Variants in CDH12 observed in about 807,000 individuals in gnomAD.
The protein encoded by CDH12 is cadherin-12.
Under a neutral mutation model 74.1 loss-of-function variants are expected in CDH12, and 41 were observed. The ratio of observed to expected loss-of-function variants is 0.55; its 90% CI spans 0.43 to 0.72. The LOEUF is 0.72. Ranked by LOEUF, CDH12 falls within the 30% of genes least tolerant of loss-of-function variation. CDH12 has a pLI of 0.00. For missense variants in CDH12, 945 were observed against 977.2 expected, an observed-to-expected ratio of 0.97 and a Z score of 0.44; for synonymous variants, 399 against 355.0, an observed-to-expected ratio of 1.12 and a Z score of -1.39.
At chr5:22,575,576 T>C (rs1460566743) in intron 1 of CDH12, among the ~76,000 whole-genome samples, 4 of 151,954 alleles carry the variant, frequency 2.6e-5, no homozygotes, top group Non-Finnish European at 5.9e-5. Context: ...TATTTATTTA[T>C]TTATTTGAGA....
intron 8 of CDH12, among the ~76,000 whole-genome samples, chr5:21,824,574 T>C (rs1748555928): frequency 6.6e-6 from 1 of 152,224 alleles, no homozygotes; most frequent in Admixed American, 6.5e-5. Context: ...AAACACAGCC[T>C]TGTTCTCTTT....
At chr5:22,306,979 T>C (rs138271770) in intron 3 of CDH12, among the ~76,000 whole-genome samples, 76 of 152,342 alleles carry the variant, frequency 5.0e-4, no homozygotes, top group Admixed American at 1.5e-3. Context: ...TACTTAGTTA[T>C]ATGCTGATAT....
chr5:22,253,972 G>A (rs1753221713), intron 3 of CDH12, among the ~76,000 whole-genome samples: 1 of 151,784 alleles, frequency 6.6e-6, no homozygotes, highest in Admixed American at 6.6e-5. Flanking sequence ...CACAAATATC[G>A]ATAAATTAGG....
intron 3 of CDH12, among the ~76,000 whole-genome samples, chr5:22,244,756 G>T (rs1752878012): frequency 9.8e-6 from 1 of 102,194 alleles, no homozygotes; most frequent in Non-Finnish European, 2.2e-5. Flanking sequence ...AAGAAAGAAA[G>T]AAAGAAAGAA....
chr5:22,626,545 G>A (rs1738307868), intron 1 of CDH12, among the ~76,000 whole-genome samples: 1 of 152,034 alleles, frequency 6.6e-6, no homozygotes, highest in Non-Finnish European at 1.5e-5. Context: ...CCTTATACCA[G>A]AATCAAACCC....
rs551437405 is a variant in CDH12 at position 22,024,508 on chromosome 5, T to C, written c.232-49123A>G. On this transcript the variant is annotated intron_variant, in intron 5 of 14. Coordinates refer to ENST00000382254, the MANE Select transcript of CDH12 (RefSeq NM_004061.5). ...GGTAAATTTACTTTATTTATCTATCTATTTATTCATTCATTTATTTTTGAT... is the reference window on the plus strand; with the variant it reads ...GGTAAATTTACTTTATTTATCTATCCATTTATTCATTCATTTATTTTTGAT... Among the ~76,000 whole-genome samples, 15 of 152,294 alleles carry C rather than the reference T, an allele frequency of 9.8e-5. No individual in the cohort carries two copies. In the South Asian group the frequency reaches 2.9e-3, roughly 29 times the overall value.
intron 6 of CDH12, among the ~76,000 whole-genome samples, chr5:21,935,966 G>A (rs1755057179): frequency 6.6e-6 from 1 of 152,164 alleles, no homozygotes; most frequent in East Asian, 1.9e-4. Flanking sequence ...TTTTGTATAT[G>A]TACTATATTT....
At chr5:22,088,887 T>C (rs1743231425) in intron 4 of CDH12, among the ~76,000 whole-genome samples, 1 of 152,038 alleles carries the variant, frequency 6.6e-6, no homozygotes, top group Non-Finnish European at 1.5e-5. Context: ...TGTGAAAGTG[T>C]CCCCCAAGGT....
At chr5:22,525,306 T>C (rs1737219860) in intron 1 of CDH12, among the ~76,000 whole-genome samples, 1 of 152,134 alleles carries the variant, frequency 6.6e-6, no homozygotes, top group Non-Finnish European at 1.5e-5. Flanking sequence ...ACATCTCATA[T>C]TTTATTGACC....
chr5:22,653,147 C>T (rs1223139133), intron 1 of CDH12, among the ~76,000 whole-genome samples: 1 of 152,086 alleles, frequency 6.6e-6, no homozygotes, highest in Admixed American at 6.6e-5. Context: ...TCATAATCAT[C>T]ATCATTCTCT....
At chr5:22,305,396 C>T (rs1001954041) in intron 3 of CDH12, among the ~76,000 whole-genome samples, 1 of 152,144 alleles carries the variant, frequency 6.6e-6, no homozygotes, top group Non-Finnish European at 1.5e-5. Context: ...AAGATAGTGT[C>T]TGTGTATATT....
chr5:22,520,766 T>C (rs966683794), intron 1 of CDH12, among the ~76,000 whole-genome samples: 2 of 152,148 alleles, frequency 1.3e-5, no homozygotes, highest in Admixed American at 6.5e-5. Context: ...AATATAGTTA[T>C]TTGTATATAA....
At chr5:22,199,464 A>C (rs1344780724) in intron 4 of CDH12, among the ~76,000 whole-genome samples, 1 of 152,234 alleles carries the variant, frequency 6.6e-6, no homozygotes, top group Non-Finnish European at 1.5e-5. Context: ...CTTTGTTAAA[A>C]GAATCAGTGT....
chr5:22,752,873 A>T (rs1745669338), intron 1 of CDH12, among the ~76,000 whole-genome samples: 1 of 151,868 alleles, frequency 6.6e-6, no homozygotes, highest in African/African-American at 2.4e-5. Context: ...CGCGCCCGGC[A>T]GGATACTTCT....
chr5:22,176,073 T>G (rs575386170), intron 4 of CDH12, among the ~76,000 whole-genome samples: 1 of 152,242 alleles, frequency 6.6e-6, no homozygotes, highest in South Asian at 2.1e-4. Flanking sequence ...ATTGAGCAAC[T>G]GGGCTCATTT....
chr5:22,403,494 C>T (rs1175592922), intron 3 of CDH12, among the ~76,000 whole-genome samples: 2 of 152,126 alleles, frequency 1.3e-5, no homozygotes, highest in East Asian at 3.9e-4. Flanking sequence ...TGTGGTCATT[C>T]CTATCAATGT....
At chr5:22,583,270 T>C (rs1487947917) in intron 1 of CDH12, among the ~76,000 whole-genome samples, 1 of 152,196 alleles carries the variant, frequency 6.6e-6, no homozygotes, top group Non-Finnish European at 1.5e-5. Flanking sequence ...GTATATCAGA[T>C]ATGAAGATAA....
rs192354487 is a variant in CDH12, at chr5:22,478,839, A to T, written c.-428+26431T>A. 2.4e-4 allele frequency among the ~76,000 whole-genome samples: 36 copies of T among 152,310 alleles called. No individual in the cohort carries two copies. In the East Asian group the frequency reaches 6.8e-3, roughly 29 times the overall value. ...TTGCCTTTCCTAAAAATGCTAACAGACTGATGCTATCATTTAGATAATTTT... is the reference window on the plus strand; with the variant it reads ...TTGCCTTTCCTAAAAATGCTAACAGTCTGATGCTATCATTTAGATAATTTT... On this transcript the variant is annotated intron_variant, in intron 2 of 14. Transcript: ENST00000382254.
chr5:22,098,974 G>A (rs1286545985), intron 4 of CDH12, among the ~76,000 whole-genome samples: 1 of 152,098 alleles, frequency 6.6e-6, no homozygotes, highest in East Asian at 1.9e-4. Flanking sequence ...TGTTCCATCT[G>A]CTATTCTACT....
Sources: gnomAD v4.1 joint callset for allele counts (sites outside exome capture counted in the v4.1 genomes callset) on GRCh38, gnomAD v4.1.1 for gene constraint, MANE v1.5 for transcripts, NCBI Gene and HGNC (gene_info 2026-07-23, HGNC 2026-07-21) for gene names.